The following DKK3 variants were observed in gnomAD, a reference collection of about 807,000 sequenced individuals.
DKK3 encodes the protein dickkopf Wnt signaling pathway inhibitor 3, also known as dickkopf-related protein 3.
In DKK3, 22 loss-of-function variants were observed where a neutral mutation model predicts 33.2. The observed-to-expected ratio is 0.66, with a 90% CI of 0.47 to 0.95. The LOEUF (loss-of-function observed/expected upper bound fraction) is 0.95. Among genes scored for constraint, DKK3 ranks in the 40% least tolerant of loss-of-function variants. The pLI, the probability that DKK3 is intolerant of heterozygous loss-of-function variation, is 0.00. For synonymous variants in DKK3, 194 were observed against 188.8 expected, an observed-to-expected ratio of 1.03 and a Z score of -0.23; for missense variants, 398 against 458.4, an observed-to-expected ratio of 0.87 and a Z score of 1.20.
chr11:12,009,559 C>G (rs1035602255), upstream of DKK3: 6 of 982,194 alleles, frequency 6.1e-6, no homozygotes, highest in Non-Finnish European at 7.3e-6. Context: ...CCGCGGCATC[C>G]CAGGCCCGTC....
intron 3 of DKK3, among the ~76,000 whole-genome samples, chr11:11,988,803 G>A (rs535163331): frequency 3.9e-5 from 6 of 152,204 alleles, no homozygotes; most frequent in East Asian, 1.9e-4. Flanking sequence ...GCCTGCATAC[G>A]CCCAGGCCTA....
At chr11:11,999,216 C>A (rs1848370375) in intron 2 of DKK3, among the ~76,000 whole-genome samples, 1 of 152,222 alleles carries the variant, frequency 6.6e-6, no homozygotes, top group African/African-American at 2.4e-5. Flanking sequence ...AGCAGCCCTA[C>A]CTGATTCTAG....
intron 2 of DKK3, among the ~76,000 whole-genome samples, chr11:11,999,927 C>T (rs1220385252): frequency 6.6e-6 from 1 of 152,208 alleles, no homozygotes; most frequent in Non-Finnish European, 1.5e-5. Context: ...CATGCTTTTA[C>T]ATTTTTACCT....
chr11:11,985,227 T>C lies in DKK3; in HGVS notation c.435+13469A>G, dbSNP rs977937050. On this transcript the variant is annotated intron_variant, in intron 3 of 6. Coordinates refer to ENST00000683431, the MANE Select transcript of DKK3 (RefSeq NM_001018057.2). The stretch of plus-strand genomic sequence containing the variant: ...GTGCTTCCGGCTGGGGCTAGGAGAT[T>C]CCTTTGTGCTCCAGCACCAAGGAGC... Among the ~76,000 whole-genome samples the C allele has an allele frequency of 2.6e-5, 4 of 152,122 alleles. No homozygotes were observed. In the East Asian group the frequency reaches 7.7e-4, roughly 29 times the overall value.
chr11:11,978,453 TTCC>T (rs1847883834), intron 3 of DKK3, among the ~76,000 whole-genome samples: 2 of 151,000 alleles, frequency 1.3e-5, no homozygotes, highest in African/African-American at 4.8e-5. Context: ...CCTCTTCTTC[TTCC>T]TCTCCTTCCT....
intron 3 of DKK3, among the ~76,000 whole-genome samples, chr11:11,996,970 C>T (rs555804843): frequency 1.3e-5 from 2 of 152,358 alleles, no homozygotes; most frequent in Admixed American, 1.3e-4. Context: ...TGCAGGCAAC[C>T]AGTTTCTGCC....
chr11:11,972,833 G>A (rs1226095990), intron 3 of DKK3, among the ~76,000 whole-genome samples: 1 of 152,176 alleles, frequency 6.6e-6, no homozygotes, highest in Non-Finnish European at 1.5e-5. Flanking sequence ...TGGCTGAGAA[G>A]CTGAAATCAG....
intron 3 of DKK3, chr11:11,978,806 A>G (rs901798509): frequency 6.6e-6 from 1 of 152,248 alleles, no homozygotes; most frequent in African/African-American, 2.4e-5. Context: ...GCTGTCCTGC[A>G]TCCTAAGCAT....
intron 3 of DKK3, among the ~76,000 whole-genome samples, chr11:11,980,586 GTCAA>G (rs1847933852): frequency 6.6e-6 from 1 of 152,098 alleles, no homozygotes; most frequent in Non-Finnish European, 1.5e-5. Flanking sequence ...TCCCTTATCT[GTCAA>G]TCAATCTTTA....
intron 2 of DKK3, among the ~76,000 whole-genome samples, chr11:12,000,649 C>A (rs767338992): frequency 1.2e-4 from 18 of 151,158 alleles, no homozygotes; most frequent in Non-Finnish European, 1.8e-4. Context: ...GGATTACAGG[C>A]ACGTGACACC....
At chr11:11,975,392 G>A (rs1332648426) in intron 3 of DKK3, among the ~76,000 whole-genome samples, 6 of 152,204 alleles carry the variant, frequency 3.9e-5, no homozygotes, top group African/African-American at 7.2e-5. Flanking sequence ...CTCCAGCCCC[G>A]TACACATTCT....
intron 3 of DKK3, among the ~76,000 whole-genome samples, chr11:11,990,976 C>G (rs1360498767): frequency 2.6e-5 from 4 of 152,196 alleles, no homozygotes; most frequent in African/African-American, 9.7e-5. Flanking sequence ...CATGAGACTT[C>G]TGGGTCAGAG....
chr11:12,002,043 A>T (rs1023461085), intron 2 of DKK3: 3 of 358,096 alleles, frequency 8.4e-6, no homozygotes. Context: ...ATCCCTGGAC[A>T]TTCCTTTGCA....
At chr11:11,998,416 G>A in intron 3 of DKK3, 1 of 530,114 alleles carries the variant, frequency 1.9e-6, no homozygotes, top group Non-Finnish European at 3.4e-6. Context: ...AACATGTCTG[G>A]TACTTGCTTG....
intron 3 of DKK3, among the ~76,000 whole-genome samples, chr11:11,976,086 G>A (rs924899440): frequency 3.9e-5 from 6 of 152,210 alleles, no homozygotes; most frequent in African/African-American, 1.4e-4. Flanking sequence ...CACGGCAGGA[G>A]CTCAAAGGAT....
In DKK3 at chr11:11,968,458, G is replaced by A. The variant is rs781719044; in HGVS notation, c.465C>T (p.Pro155=). 9 of 1,613,292 alleles carry A rather than the reference G, an allele frequency of 5.6e-6. No homozygotes were observed. Among genetic ancestry groups the A allele is most frequent in the South Asian group, 1.1e-5 (1 of 90,994 alleles). Reference sequence around the variant, plus strand: ...AGCTGGCAAACTGGCAGTACATGCTGGGCCCACAGTCCTCGTCGATGATGC... The same window carrying A: ...AGCTGGCAAACTGGCAGTACATGCTAGGCCCACAGTCCTCGTCGATGATGC... ...HECIIDEDCG[P]SMYCQFASFQ... is the part of the protein sequence containing the mutation. Residue 155 remains proline (P), a synonymous_variant, in exon 4 of 7, where the codon CCC becomes CCT. Coordinates refer to ENST00000683431, the MANE Select transcript of DKK3 (RefSeq NM_001018057.2).
chr11:11,986,675 G>A (rs536338039), intron 3 of DKK3, among the ~76,000 whole-genome samples: 22 of 152,250 alleles, frequency 1.4e-4, no homozygotes, highest in African/African-American at 5.3e-4. Flanking sequence ...GACTTTATCA[G>A]AAATATATCT....
At chr11:11,991,304 T>C (rs542576576) in intron 3 of DKK3, among the ~76,000 whole-genome samples, 71 of 152,310 alleles carry the variant, frequency 4.7e-4, no homozygotes, top group African/African-American at 1.6e-3. Context: ...TTAAATCTCA[T>C]GTTGAAATTT....
chr11:11,997,687 G>A (rs946724639), intron 3 of DKK3, among the ~76,000 whole-genome samples: 3 of 152,048 alleles, frequency 2.0e-5, no homozygotes, highest in African/African-American at 7.2e-5. Flanking sequence ...CTTGAATGGT[G>A]GGTCACTACC....
Sources: gnomAD v4.1 joint callset for allele counts (sites outside exome capture counted in the v4.1 genomes callset) on GRCh38, gnomAD v4.1.1 for gene constraint, MANE v1.5 for transcripts, NCBI Gene and HGNC (gene_info 2026-07-23, HGNC 2026-07-21) for gene names.